PRKCZ: variants seen among roughly 807,000 people sequenced by gnomAD.
PRKCZ encodes the protein protein kinase C zeta type.
PRKCZ carries 33 observed loss-of-function variants against 79.5 expected under a neutral mutation model. That is an observed-to-expected ratio of 0.41 (90% CI 0.31 to 0.55). The LOEUF (loss-of-function observed/expected upper bound fraction) is 0.55. Among genes scored for constraint, PRKCZ ranks in the 20% least tolerant of loss-of-function variants. PRKCZ has a pLI of 0.19. For missense variants in PRKCZ, 578 were observed against 813.5 expected, an observed-to-expected ratio of 0.71 and a Z score of 3.52; for synonymous variants, 342 against 320.9, an observed-to-expected ratio of 1.07 and a Z score of -0.70.
At chr1:2,135,070 G>C in intron 4 of PRKCZ, 192 bp from the exon 5 acceptor site, 1 of 515,948 alleles carries the variant, frequency 1.9e-6, no homozygotes, top group Non-Finnish European at 3.5e-6. Flanking sequence ...CCGAGGCCGT[G>C]ACACCATGAG....
intron 16 of PRKCZ, chr1:2,183,607 C>G (rs1032694201): frequency 6.6e-6 from 1 of 152,554 alleles, no homozygotes; most frequent in Non-Finnish European, 1.5e-5. Flanking sequence ...GAGCAGAGTT[C>G]TTTCCCAGCT....
rs1487268190 is a variant in PRKCZ at position 2,179,765 on chromosome 1, G to A, written c.1575+4452G>A. Among the ~76,000 whole-genome samples the A allele has an allele frequency of 2.0e-5, 3 of 152,196 alleles. 1 individual carries two copies. Among genetic ancestry groups the A allele is most frequent in the African/African-American group, 7.2e-5 (3 of 41,452 alleles). Reference sequence around the variant, plus strand: ...CCAGGGCTGCTGGTGGGAGGCCCCAGGGAGGAGCAAGGACTCTAATGCTTC... The same window carrying A: ...CCAGGGCTGCTGGTGGGAGGCCCCAAGGAGGAGCAAGGACTCTAATGCTTC... On this transcript the variant is annotated intron_variant, in intron 16 of 17. Coordinates refer to ENST00000378567, the MANE Select transcript of PRKCZ (RefSeq NM_002744.6).
At position 2,180,412 on chromosome 1, in the gene PRKCZ, C is replaced by T. The variant is rs114700668; in HGVS notation, c.1576-4171C>T. 9.4e-3 allele frequency among the ~76,000 whole-genome samples: 1,435 copies of T among 152,150 alleles called. 26 individuals carry two copies. Among genetic ancestry groups the T allele is most frequent in the African/African-American group, 0.032 (1,339 of 41,490 alleles). ...TGGACGCACAGACGATGTGGATGCA[C>T]GGACGACGTAGACACACGGATGACT... is the stretch of plus-strand genomic sequence containing the variant. On this transcript the variant is annotated intron_variant, in intron 16 of 17. Coordinates refer to ENST00000378567, the MANE Select transcript of PRKCZ (RefSeq NM_002744.6).
rs1490679735 is a variant in PRKCZ, at chr1:2,167,824, CGAACT to C, written c.975-1693_975-1689del. 4.6e-5 allele frequency among the ~76,000 whole-genome samples: 7 copies of C among 152,122 alleles called. 1 individual carries two copies. The highest frequency in any genetic ancestry group is 6.3e-3 in the Middle Eastern group (2 of 316). ...TTCACCATGTTGGCCAGGATGGTCT[CGAACT>C]CCTGACCTCAGGTGATCTGCTTGCC... On this transcript the variant is annotated intron_variant, in intron 10 of 17. Transcript: ENST00000378567.
At chr1:2,070,266 C>T (rs1400628755) in intron 4 of PRKCZ, among the ~76,000 whole-genome samples, 1 of 152,134 alleles carries the variant, frequency 6.6e-6, no homozygotes, top group Non-Finnish European at 1.5e-5. Context: ...TCCTACATTC[C>T]ACATTCTGCC....
intron 4 of PRKCZ, among the ~76,000 whole-genome samples, chr1:2,116,557 C>T (rs867421443): frequency 1.3e-5 from 2 of 152,152 alleles, no homozygotes; most frequent in African/African-American, 4.8e-5. Context: ...TTCTGATGAA[C>T]AGAAAGTAAA....
chr1:2,147,918 C>T (rs1212946788), intron 7 of PRKCZ, among the ~76,000 whole-genome samples: 1 of 151,436 alleles, frequency 6.6e-6, no homozygotes, highest in Non-Finnish European at 1.5e-5. Context: ...CGTCTGTTGT[C>T]CACTGACCTC....
chr1:2,076,742 GAAA>G (rs59323031), intron 4 of PRKCZ, among the ~76,000 whole-genome samples: 3 of 127,184 alleles, frequency 2.4e-5, no homozygotes, highest in Admixed American at 8.0e-5. Context: ...ACTCCATCTT[GAAA>G]AAAAAAAAAA....
intron 4 of PRKCZ, among the ~76,000 whole-genome samples, chr1:2,066,006 C>T (rs547341365): frequency 7.0e-4 from 106 of 152,196 alleles, no homozygotes; most frequent in Non-Finnish European, 1.2e-3. Flanking sequence ...AAAAATCCTT[C>T]TTGCTCTTGG....
rs547973872 is a variant in PRKCZ, at chr1:2,069,945, A to G, written c.334+10354A>G. On this transcript the variant is annotated intron_variant, in intron 4 of 17. Coordinates refer to ENST00000378567, the MANE Select transcript of PRKCZ (RefSeq NM_002744.6). ...GGCCTCCCTGTGGTGTGTGGTAAAG[A>G]CTCAGGGTGCCCGCCCTGTGGAGGA... Among the ~76,000 whole-genome samples, 15 of 151,946 alleles carry G rather than the reference A, an allele frequency of 9.9e-5. No homozygotes were observed. The South Asian group carries it at 3.1e-3, about 32-fold the overall frequency.
rs1188741883 is a variant in PRKCZ at position 2,140,574 on chromosome 1, T to C, written c.421-3636T>C. On this transcript the variant is annotated intron_variant, in intron 5 of 17. Coordinates refer to ENST00000378567, the MANE Select transcript of PRKCZ (RefSeq NM_002744.6). ...CGGTAGGCTGAGGCAGGGGAATGGC[T>C]TGAACCAGGGAGCTGGAGGTTTCAG... 2.6e-5 allele frequency among the ~76,000 whole-genome samples: 4 copies of C among 152,066 alleles called. No individual in the cohort carries two copies. In the East Asian group the frequency reaches 7.7e-4, roughly 29 times the overall value.
chr1:2,068,245 A>G (rs1661284404), intron 4 of PRKCZ, among the ~76,000 whole-genome samples: 1 of 152,156 alleles, frequency 6.6e-6, no homozygotes, highest in Non-Finnish European at 1.5e-5. Context: ...CGATGCGGCC[A>G]TGTGGGAGGG....
At chr1:2,130,231 C>A (rs1368049673) in intron 4 of PRKCZ, among the ~76,000 whole-genome samples, 1 of 152,230 alleles carries the variant, frequency 6.6e-6, no homozygotes. Flanking sequence ...TAAGTACAGG[C>A]TGCCCTGCTG....
upstream of PRKCZ, among the ~76,000 whole-genome samples, chr1:2,050,247 C>A (rs1659513332): frequency 6.6e-6 from 1 of 151,944 alleles, no homozygotes; most frequent in African/African-American, 2.4e-5. Flanking sequence ...CCCCGCCCGA[C>A]AGGTAGCCCC....
chr1:2,056,323 C>A (rs3737631), intron 2 of PRKCZ, among the ~76,000 whole-genome samples, 161 bp from the exon 3 acceptor site: 1 of 152,144 alleles, frequency 6.6e-6, no homozygotes. Flanking sequence ...CTAGTGTGGA[C>A]GGCCGTCCTT....
intron 1 of PRKCZ, among the ~76,000 whole-genome samples, chr1:2,053,408 C>G (rs1300660732): frequency 6.6e-6 from 1 of 152,176 alleles, no homozygotes; most frequent in African/African-American, 2.4e-5. Context: ...CCAGCTCAGA[C>G]AACGTTTGTG....
intron 4 of PRKCZ, among the ~76,000 whole-genome samples, chr1:2,109,164 A>AG (rs1264390228): frequency 1.3e-5 from 2 of 152,102 alleles, no homozygotes; most frequent in Admixed American, 1.3e-4. Context: ...AAGGTGACAC[A>AG]GTCTTGGGTC....
At chr1:2,114,993 C>G (rs1571499871) in intron 4 of PRKCZ, among the ~76,000 whole-genome samples, 1 of 152,280 alleles carries the variant, frequency 6.6e-6, no homozygotes, top group Non-Finnish European at 1.5e-5. Context: ...AACTGCACCG[C>G]GTCACATAGC....
At chr1:2,064,217 G>A (rs536478510) in intron 4 of PRKCZ, among the ~76,000 whole-genome samples, 1 of 152,324 alleles carries the variant, frequency 6.6e-6, no homozygotes, top group East Asian at 1.9e-4. Flanking sequence ...TGAATGGGTT[G>A]TTTGGTTTTT....
Sources: gnomAD v4.1 joint callset for allele counts (sites outside exome capture counted in the v4.1 genomes callset) on GRCh38, gnomAD v4.1.1 for gene constraint, MANE v1.5 for transcripts, NCBI Gene and HGNC (gene_info 2026-07-23, HGNC 2026-07-21) for gene names.